RASSF5: variants seen among roughly 807,000 people sequenced by gnomAD.
The protein encoded by RASSF5 is Ras association domain family member 5.
A neutral mutation model predicts 40.5 loss-of-function variants in RASSF5; 25 were observed. That is an observed-to-expected ratio of 0.62 (90% CI 0.45 to 0.86). The LOEUF (loss-of-function observed/expected upper bound fraction) is 0.86. Ranked by LOEUF, RASSF5 falls within the 40% of genes least tolerant of loss-of-function variation. The pLI is 0.00. For synonymous variants in RASSF5, 246 were observed against 252.4 expected (o/e 0.97, Z 0.24); for missense variants, 521 against 572.8 (o/e 0.91, Z 0.92).
At chr1:206,543,604 G>A (rs900996776) in intron 2 of RASSF5, 8 of 152,136 alleles carry the variant, frequency 5.3e-5, no homozygotes, top group East Asian at 1.9e-4. Flanking sequence ...AATGCAGAAC[G>A]AGGGCCTGGT....
intron 1 of RASSF5, among the ~76,000 whole-genome samples, chr1:206,536,297 G>T (rs1434067714): frequency 6.6e-6 from 1 of 152,206 alleles, no homozygotes; most frequent in African/African-American, 2.4e-5. Flanking sequence ...GCGTAGAGAA[G>T]CGTGGGATCT....
intron 2 of RASSF5, among the ~76,000 whole-genome samples, chr1:206,573,246 A>AT (rs782505415): frequency 3.3e-5 from 5 of 152,198 alleles, no homozygotes; most frequent in Non-Finnish European, 7.4e-5. Flanking sequence ...GGACTGCTTG[A>AT]TTTTTTACCT....
chr1:206,530,440 T>C (rs78100279), intron 1 of RASSF5, among the ~76,000 whole-genome samples: 3,785 of 152,320 alleles, frequency 0.025, 76 homozygotes, highest in Non-Finnish European at 0.034. Flanking sequence ...AGCATTTTGT[T>C]GTCATAAATA....
chr1:206,555,836 T>A (rs1429825624), intron 2 of RASSF5, among the ~76,000 whole-genome samples: 7 of 152,166 alleles, frequency 4.6e-5, no homozygotes, highest in Non-Finnish European at 8.8e-5. Context: ...TTTGAAACCT[T>A]CCCGAGCACT....
At chr1:206,567,383 T>A (rs1307192221) in intron 2 of RASSF5, among the ~76,000 whole-genome samples, 3 of 152,100 alleles carry the variant, frequency 2.0e-5, no homozygotes, top group Non-Finnish European at 4.4e-5. Flanking sequence ...AACCCATAAA[T>A]CTTTTGTTTA....
chr1:206,518,361 G>C, intron 1 of RASSF5: 2 of 398,600 alleles, frequency 5.0e-6, no homozygotes, highest in Non-Finnish European at 4.4e-6. Context: ...CAAGCCTGGA[G>C]AAAAGCTATT....
chr1:206,582,720 G>T (rs935551104), intron 2 of RASSF5, among the ~76,000 whole-genome samples: 1 of 152,196 alleles, frequency 6.6e-6, no homozygotes, highest in African/African-American at 2.4e-5. Flanking sequence ...GTGGGGCCTG[G>T]ACTGGTCTCT....
At chr1:206,537,491 C>G (rs1272140604) in intron 1 of RASSF5, among the ~76,000 whole-genome samples, 1 of 152,154 alleles carries the variant, frequency 6.6e-6, no homozygotes, top group Admixed American at 6.5e-5. Flanking sequence ...TAGAAGCAGG[C>G]AGGGGAGCTA....
At position 206,584,714 on chromosome 1, in the gene RASSF5, G is replaced by A. The variant is rs781892782; in HGVS notation, c.988+30G>A. 1.1e-5 allele frequency: 18 copies of A among 1,612,256 alleles called. No homozygotes were observed. Among genetic ancestry groups the A allele is most frequent in the Admixed American group, 3.3e-5 (2 of 59,874 alleles). On this transcript the variant is annotated intron_variant, in intron 4 of 5. Coordinates refer to ENST00000579436, the MANE Select transcript of RASSF5 (RefSeq NM_182663.4). The surrounding 1 kb of genome is among the most constrained non-coding windows in gnomAD (Gnocchi z 4.9). The stretch of plus-strand genomic sequence containing the variant: ...GAGAAAGAGTGAACCCAACCAGACC[G>A]TTCCCTTCCTACCTGTGTCCAAGCC...
chr1:206,515,948 G>A (rs1553395348), intron 1 of RASSF5, among the ~76,000 whole-genome samples: 2 of 152,220 alleles, frequency 1.3e-5, no homozygotes, highest in African/African-American at 4.8e-5. Context: ...GATTCCAGCT[G>A]TAACATGAGA....
chr1:206,529,252 C>A, intron 1 of RASSF5: 3 of 1,204,708 alleles, frequency 2.5e-6, no homozygotes, highest in Non-Finnish European at 3.6e-6. Flanking sequence ...AGGCCGTTGG[C>A]CCAGGCTGAG....
Position 206,584,415 on chromosome 1 carries a change from T to C in RASSF5, c.719T>C (p.Ile240Thr). 6.2e-7 allele frequency: 1 copy of C among 1,613,886 alleles called. No homozygotes were observed. The highest frequency in any genetic ancestry group is 8.5e-7 in the Non-Finnish European group (1 of 1,179,866). Reference sequence around the variant, plus strand: ...GAAGACGGCACCTACACGGGTTTCATCAAAGTGCATCTGAAACTCCGGCGG... The same window carrying C: ...GAAGACGGCACCTACACGGGTTTCACCAAAGTGCATCTGAAACTCCGGCGG... ...LSEDGTYTGFIKVHLKLRRPV... is the reference protein window; with the variant it reads ...LSEDGTYTGFTKVHLKLRRPV... The change falls in exon 4 of 6, where the codon ATC becomes ACC. Residue 240 changes from isoleucine to threonine, a missense_variant. This residue lies in a region of RASSF5 where 284 missense variants were observed against 360.8 expected (regional missense o/e 0.79). Transcript: ENST00000579436. The surrounding 1 kb of genome is among the most constrained non-coding windows in gnomAD (Gnocchi z 4.9).
intron 2 of RASSF5, among the ~76,000 whole-genome samples, chr1:206,556,583 A>C (rs1553401784): frequency 6.6e-6 from 1 of 152,182 alleles, no homozygotes; most frequent in South Asian, 2.1e-4. Context: ...TGACCTGGAC[A>C]GTGTCTGCAG....
intron 2 of RASSF5, chr1:206,543,545 A>T (rs1667597747): frequency 7.0e-6 from 1 of 142,738 alleles, no homozygotes; most frequent in Non-Finnish European, 1.5e-5. Context: ...TTTTGCATGT[A>T]TATATACACG....
At chr1:206,512,069 G>A (rs76764131) in intron 1 of RASSF5, among the ~76,000 whole-genome samples, 2,390 of 152,300 alleles carry the variant, frequency 0.016, 33 homozygotes, top group African/African-American at 0.045. Flanking sequence ...TGTGTAGCGT[G>A]TGTTTTCCTT....
At chr1:206,567,354 G>A (rs1553403552) in intron 2 of RASSF5, among the ~76,000 whole-genome samples, 2 of 152,202 alleles carry the variant, frequency 1.3e-5, no homozygotes, top group African/African-American at 4.8e-5. Context: ...TTTGGGGAAT[G>A]GCAGATTGGG....
At chr1:206,511,751 A>G (rs1341259610) in intron 1 of RASSF5, among the ~76,000 whole-genome samples, 1 of 152,116 alleles carries the variant, frequency 6.6e-6, no homozygotes, top group Non-Finnish European at 1.5e-5. Context: ...AATGGCTGAT[A>G]TCTCCCTGGG....
At chr1:206,525,394 C>T (rs551320797) in intron 1 of RASSF5, among the ~76,000 whole-genome samples, 5 of 152,214 alleles carry the variant, frequency 3.3e-5, no homozygotes, top group Admixed American at 2.6e-4. Context: ...ATCCAGGGAC[C>T]CAGGTTCCAG....
At chr1:206,582,743 T>C (rs1572369324) in intron 2 of RASSF5, among the ~76,000 whole-genome samples, 1 of 152,346 alleles carries the variant, frequency 6.6e-6, no homozygotes, top group East Asian at 1.9e-4. Flanking sequence ...GTGTCCTTGG[T>C]CCTTGGGATC....
Sources: gnomAD v4.1 joint callset for allele counts (sites outside exome capture counted in the v4.1 genomes callset) on GRCh38, gnomAD v4.1.1 for gene constraint, gnomAD v4.1.1 regional missense constraint, Gnocchi (gnomAD v3.1) non-coding constraint, MANE v1.5 for transcripts, NCBI Gene and HGNC (gene_info 2026-07-23, HGNC 2026-07-21) for gene names.